PSMC6: variants seen among roughly 807,000 people sequenced by gnomAD.
PSMC6 encodes 26S proteasome regulatory subunit 10B.
A neutral mutation model predicts 55.9 loss-of-function variants in PSMC6; 3 were observed. The ratio of observed to expected loss-of-function variants is 0.05; its 90% CI spans 0.02 to 0.14. PSMC6 has a LOEUF of 0.14. Ranked by LOEUF, PSMC6 falls within the 10% of genes least tolerant of loss-of-function variation. PSMC6 has a pLI of 1.00. For synonymous variants in PSMC6, 137 were observed against 155.9 expected (o/e 0.88, Z 0.90); for missense variants, 210 against 478.7 (o/e 0.44, Z 5.24).
intron 12 of PSMC6, chr14:52,723,079 G>A (rs1298339412): frequency 6.6e-6 from 1 of 152,240 alleles, no homozygotes; most frequent in Admixed American, 6.5e-5. Flanking sequence ...AACAAAGGAT[G>A]TCAATGTATA....
At chr14:52,723,792 GTTTA>G in intron 12 of PSMC6, 169 bp from the exon 13 acceptor site, 1 of 1,386,350 alleles carries the variant, frequency 7.2e-7, no homozygotes, top group Non-Finnish European at 9.4e-7. Context: ...CTTGGTGCTG[GTTTA>G]TTTAACAGAA....
At chr14:52,723,831 T>A in intron 12 of PSMC6, 134 bp from the exon 13 acceptor site, 1 of 1,438,262 alleles carries the variant, frequency 7.0e-7, no homozygotes, top group Non-Finnish European at 9.1e-7. Context: ...ATATTAATAT[T>A]GTGGAAAGTT....
chr14:52,719,811 C>G (rs531300858), intron 10 of PSMC6, among the ~76,000 whole-genome samples: 8 of 152,158 alleles, frequency 5.3e-5, no homozygotes, highest in Non-Finnish European at 2.9e-5. Flanking sequence ...CATTGTCAGA[C>G]TAGCTATATT....
chr14:52,713,102 C>T (rs990763199), intron 6 of PSMC6, among the ~76,000 whole-genome samples: 80 of 152,070 alleles, frequency 5.3e-4, no homozygotes, highest in Non-Finnish European at 7.2e-4. Context: ...GTGGTGGTGG[C>T]GCCTGTAGTC....
intron 7 of PSMC6, among the ~76,000 whole-genome samples, chr14:52,716,737 G>A (rs2041833891): frequency 6.6e-6 from 1 of 151,686 alleles, no homozygotes; most frequent in Non-Finnish European, 1.5e-5. Context: ...TGGGCAACAA[G>A]AGTGAAACTC....
At chr14:52,718,483 C>A in intron 9 of PSMC6, 131 bp downstream of exon 9, 2 of 1,046,328 alleles carry the variant, frequency 1.9e-6, no homozygotes, top group Non-Finnish European at 2.7e-6. Context: ...TTAGTTTAAC[C>A]AATTTTAATA....
chr14:52,721,499 A>G (rs180729258), intron 12 of PSMC6: 93 of 196,712 alleles, frequency 4.7e-4, no homozygotes, highest in African/African-American at 2.1e-3. Context: ...CTATGGAGAA[A>G]AATAAAGCAA....
At chr14:52,721,041 CTT>C in intron 11 of PSMC6, 60 bp downstream of exon 11, 1 of 1,583,952 alleles carries the variant, frequency 6.3e-7, no homozygotes, top group Non-Finnish European at 8.6e-7. Context: ...TTTTTCCATA[CTT>C]CACTTCACCT....
rs995049654 is a variant in PSMC6, at chr14:52,710,846, C to T, written c.259-255C>T. Reference sequence around the variant, plus strand: ...CCCAAAGTCACTGTACCATTGCTGCCTCAAGCTTTGTGTGTTAGTCATTTC... The same window carrying T: ...CCCAAAGTCACTGTACCATTGCTGCTTCAAGCTTTGTGTGTTAGTCATTTC... On this transcript the variant is annotated intron_variant, in intron 4 of 13. Coordinates refer to ENST00000445930, the MANE Select transcript of PSMC6 (RefSeq NM_002806.5). The T allele has an allele frequency of 2.4e-5, 11 of 461,476 alleles. No homozygotes were observed. The Admixed American group carries it at 4.1e-4, about 17-fold the overall frequency. 28.6% of individuals were successfully genotyped at this position (461,476 alleles called of 1,614,324 possible). A position where few individuals can be genotyped will look rare whatever the true frequency, so the allele number is the denominator to read the frequency against.
In PSMC6 at chr14:52,708,701, A is replaced by G. The variant is rs1289187912; in HGVS notation, c.206-63A>G. The G allele has an allele frequency of 1.2e-5, 19 of 1,602,990 alleles. No homozygotes were observed. The East Asian group carries it at 2.0e-4, about 17-fold the overall frequency. On this transcript the variant is annotated intron_variant, in intron 3 of 13. Coordinates refer to ENST00000445930, the MANE Select transcript of PSMC6 (RefSeq NM_002806.5). Reference sequence around the variant, plus strand: ...AGAAATACAACTAAACCCTCTGTCAACGTGGGTATGTATTTTTTTACTTTC... The same window carrying G: ...AGAAATACAACTAAACCCTCTGTCAGCGTGGGTATGTATTTTTTTACTTTC...
At chr14:52,708,692 C>T in intron 3 of PSMC6, 72 bp from the exon 4 acceptor site, 29 of 1,594,874 alleles carry the variant, frequency 1.8e-5, no homozygotes, top group Non-Finnish European at 2.4e-5. Context: ...ACAACTAAAC[C>T]CTCTGTCAAC....
At chr14:52,713,799 AG>A in intron 6 of PSMC6, 81 bp from the exon 7 acceptor site, 1 of 861,184 alleles carries the variant, frequency 1.2e-6, no homozygotes, top group Non-Finnish European at 1.9e-6. Context: ...CACCTAACTA[AG>A]GTGATATTTG....
In PSMC6 at chr14:52,713,872, C is replaced by T; in HGVS notation, c.442-9C>T. 1 of 1,537,826 alleles carries T rather than the reference C, an allele frequency of 6.5e-7. No homozygotes were observed. Among genetic ancestry groups the T allele is most frequent in the Non-Finnish European group, 8.9e-7 (1 of 1,124,850 alleles). ...TAACTTTTTAAGAAAGATTTAACTTCTTTTCTAGGTGATAGAATTACCTCT... is the reference window on the plus strand; with the variant it reads ...TAACTTTTTAAGAAAGATTTAACTTTTTTTCTAGGTGATAGAATTACCTCT... On this transcript the variant is annotated splice_polypyrimidine_tract_variant and intron_variant, in intron 6 of 13. Transcript: ENST00000445930.
At chr14:52,720,730 A>C (rs994260990) in intron 10 of PSMC6, 131 bp from the exon 11 acceptor site, 46 of 706,098 alleles carry the variant, frequency 6.5e-5, no homozygotes, top group Non-Finnish European at 9.3e-5. Flanking sequence ...AATTCTATCA[A>C]ATGACCATTC....
At chr14:52,713,258 A>T (rs2041794695) in intron 6 of PSMC6, among the ~76,000 whole-genome samples, 1 of 152,170 alleles carries the variant, frequency 6.6e-6, no homozygotes, top group African/African-American at 2.4e-5. Context: ...AGTTACTGGT[A>T]CTATAAGTAA....
At chr14:52,708,080 G>C (rs1236295438) in intron 1 of PSMC6, among the ~76,000 whole-genome samples, 1 of 152,152 alleles carries the variant, frequency 6.6e-6, no homozygotes, top group Non-Finnish European at 1.5e-5. Flanking sequence ...GCTTAAACAA[G>C]TATTGCCGAT....
At chr14:52,717,824 C>G (rs1364661123) in intron 7 of PSMC6, among the ~76,000 whole-genome samples, 2 of 151,824 alleles carry the variant, frequency 1.3e-5, no homozygotes, top group Admixed American at 1.3e-4. Flanking sequence ...TCAAGACCAG[C>G]CTGCGCAACA....
At chr14:52,711,881 A>G (rs1353304265) in intron 6 of PSMC6, among the ~76,000 whole-genome samples, 1 of 152,146 alleles carries the variant, frequency 6.6e-6, no homozygotes, top group Non-Finnish European at 1.5e-5. Context: ...TTTTTTCCAT[A>G]ACCTCATTAA....
chr14:52,728,235 T>A lies in PSMC6; in HGVS notation c.*618T>A, dbSNP rs1367718336. 2 of 152,294 alleles carry A rather than the reference T, an allele frequency of 1.3e-5. No homozygotes were observed. Among genetic ancestry groups the A allele is most frequent in the Non-Finnish European group, 2.9e-5 (2 of 68,092 alleles). The allele number at this position is 152,294 out of a possible 1,614,324, so 9.4% of individuals were successfully genotyped here. A position where few individuals can be genotyped will look rare whatever the true frequency, so the allele number is the denominator to read the frequency against. On this transcript the variant is annotated 3_prime_UTR_variant, in exon 14 of 14. Coordinates refer to ENST00000445930, the MANE Select transcript of PSMC6 (RefSeq NM_002806.5). ...CTACTGTGATTAAGCTCATTGTTGG[T>A]TAATTGAAAATATACATGCACATCC...
Sources: allele counts gnomAD v4.1 joint callset (sites outside exome capture counted in the v4.1 genomes callset), GRCh38; gene constraint gnomAD v4.1.1; transcripts MANE v1.5; gene names NCBI Gene and HGNC (gene_info 2026-07-23, HGNC 2026-07-21).